The following PER2 variants were observed in gnomAD, a reference collection of about 807,000 sequenced individuals.
PER2 encodes period circadian protein homolog 2.
PER2 carries 66 observed loss-of-function variants against 121.0 expected under a neutral mutation model. The ratio of observed to expected loss-of-function variants is 0.55; its 90% CI spans 0.45 to 0.67. The LOEUF is 0.67. Among genes scored for constraint, PER2 ranks in the 30% least tolerant of loss-of-function variants. The pLI is 0.00. For synonymous variants in PER2, 684 were observed against 659.9 expected (o/e 1.04, Z -0.56); for missense variants, 1,521 against 1,635.0 (o/e 0.93, Z 1.20).
intron 20 of PER2, among the ~76,000 whole-genome samples, chr2:238,251,231 T>C (rs1695588363): frequency 6.6e-6 from 1 of 152,182 alleles, no homozygotes; most frequent in Non-Finnish European, 1.5e-5. Flanking sequence ...CCAGATCACA[T>C]GTGAAAGATC....
At chr2:238,273,811 G>A (rs893862717) in intron 4 of PER2, among the ~76,000 whole-genome samples, 6 of 152,314 alleles carry the variant, frequency 3.9e-5, no homozygotes, top group East Asian at 1.9e-4. Flanking sequence ...GGGACTACAG[G>A]CACGTGCCAC....
chr2:238,281,391 G>A (rs1379153903), intron 1 of PER2, among the ~76,000 whole-genome samples: 1 of 152,184 alleles, frequency 6.6e-6, no homozygotes, highest in East Asian at 1.9e-4. Context: ...GGGTTACATA[G>A]CTGGTTTTAT....
intron 13 of PER2, among the ~76,000 whole-genome samples, chr2:238,260,596 G>T (rs1695896916): frequency 6.6e-6 from 1 of 152,118 alleles, no homozygotes; most frequent in African/African-American, 2.4e-5. Context: ...CTTCACTTTT[G>T]CTTGTTTTGT....
chr2:238,248,675 A>C (rs1209362655), intron 22 of PER2, among the ~76,000 whole-genome samples: 1 of 117,916 alleles, frequency 8.5e-6, no homozygotes, highest in African/African-American at 3.1e-5. Flanking sequence ...TTTTTTTTTG[A>C]GACAGAGTCT....
chr2:238,293,200 C>A (rs987322106), upstream of PER2, among the ~76,000 whole-genome samples: 3 of 152,098 alleles, frequency 2.0e-5, no homozygotes, highest in Admixed American at 6.5e-5. Flanking sequence ...CTATACAATA[C>A]TCTGTATAGA....
At position 238,276,797 on chromosome 2, in the gene PER2, A is replaced by G. The variant is rs569368680; in HGVS notation, c.293+334T>C. 1.5e-4 allele frequency among the ~76,000 whole-genome samples: 23 copies of G among 152,334 alleles called. No homozygotes were observed. The East Asian group carries it at 4.2e-3, about 28-fold the overall frequency. ...AGCCGGGTTCTGCTCCCGAGGTGACATGAAAATTGACATAGGGTAAGTTTG... is the reference window on the plus strand; with the variant it reads ...AGCCGGGTTCTGCTCCCGAGGTGACGTGAAAATTGACATAGGGTAAGTTTG... On this transcript the variant is annotated intron_variant, in intron 3 of 22. Transcript: ENST00000254657.
At position 238,257,055 on chromosome 2, in the gene PER2, G is replaced by A. The variant is rs746861228; in HGVS notation, c.1932C>T (p.Arg644=). ...EAEPPSRVNS[R]TGVGTHLTSL... Reference sequence around the variant, plus strand: ...AGGTCAGGTGCGTACCTACTCCCGTGCGGCTGTTCACCCTGGAGGGCGGCT... The same window carrying A: ...AGGTCAGGTGCGTACCTACTCCCGTACGGCTGTTCACCCTGGAGGGCGGCT... The change falls in exon 17 of 23, where the codon CGC becomes CGT. Residue 644 remains arginine (R), a synonymous_variant. Coordinates refer to ENST00000254657, the MANE Select transcript of PER2 (RefSeq NM_022817.3). The A allele has an allele frequency of 1.2e-6, 2 of 1,613,158 alleles. No homozygotes were observed. Among genetic ancestry groups the A allele is most frequent in the Admixed American group, 3.3e-5 (2 of 60,014 alleles).
chr2:238,262,433 A>G (rs2106378143), intron 10 of PER2, 89 bp from the exon 11 acceptor site: 1 of 1,342,864 alleles, frequency 7.4e-7, no homozygotes, highest in Non-Finnish European at 1.1e-6. Context: ...ACTCAGGCCC[A>G]GGATCATTTG....
At chr2:238,274,818 A>G (rs1381780215) in intron 4 of PER2, among the ~76,000 whole-genome samples, 2 of 152,144 alleles carry the variant, frequency 1.3e-5, no homozygotes, top group Non-Finnish European at 2.9e-5. Flanking sequence ...CAACCCTCAC[A>G]AAATGGACAG....
intron 14 of PER2, 80 bp from the exon 15 acceptor site, chr2:238,258,724 T>C (rs2106373999): frequency 1.4e-6 from 2 of 1,418,478 alleles, no homozygotes; most frequent in East Asian, 2.3e-5. Flanking sequence ...ATTTTCGTTC[T>C]ACCTGAAGAC....
intron 13 of PER2, 116 bp downstream of exon 13, chr2:238,260,712 A>C (rs933718498): frequency 1.8e-6 from 2 of 1,123,328 alleles, no homozygotes; most frequent in Non-Finnish European, 2.7e-6. Context: ...AGGAAGCAGC[A>C]ACAGCTGCAA....
upstream of PER2, among the ~76,000 whole-genome samples, chr2:238,294,850 A>C (rs73088969): frequency 7.5e-3 from 1,144 of 152,136 alleles, 22 homozygotes; most frequent in African/African-American, 0.026. Context: ...CATTCTCCCC[A>C]CCCAAAAGCT....
intron 5 of PER2, 114 bp from the exon 6 acceptor site, chr2:238,271,627 G>A: frequency 1.3e-6 from 1 of 777,386 alleles, no homozygotes; most frequent in South Asian, 1.4e-5. Context: ...GAGGTGGGGG[G>A]CTCTCTGACT....
the PER2 span, among the ~76,000 whole-genome samples, chr2:238,295,151 A>G: frequency 6.6e-6 from 1 of 152,210 alleles, no homozygotes; most frequent in Non-Finnish European, 1.5e-5. Context: ...GGTGCCCAAC[A>G]TGGAAAAACA....
At chr2:238,277,087 A>T in intron 3 of PER2, 44 bp downstream of exon 3, 1 of 1,400,348 alleles carries the variant, frequency 7.1e-7, no homozygotes, top group Non-Finnish European at 1.0e-6. Context: ...GAAGTCTTTC[A>T]ATTTCTCTAA....
In PER2 at chr2:238,272,340, C is replaced by T. The variant is rs564925741; in HGVS notation, c.570+730G>A. On this transcript the variant is annotated intron_variant, in intron 5 of 22. Coordinates refer to ENST00000254657, the MANE Select transcript of PER2 (RefSeq NM_022817.3). ...TCACTTGGCCTGCCCTAACAACCTC[C>T]ACCAGCCTTGCTGTCTCCCAGGGTT... is the stretch of plus-strand genomic sequence containing the variant. Among the ~76,000 whole-genome samples, 6 of 152,344 alleles carry T rather than the reference C, an allele frequency of 3.9e-5. No individual in the cohort carries two copies. In the East Asian group the frequency reaches 1.2e-3, roughly 29 times the overall value.
intron 12 of PER2, chr2:238,261,313 C>G (rs1695924093): frequency 2.5e-6 from 1 of 394,998 alleles, no homozygotes; most frequent in African/African-American, 2.0e-5. Flanking sequence ...AGGCAGGCGC[C>G]TACTCAGGTG....
At chr2:238,246,574 G>C (rs1369907879) in intron 22 of PER2, 50 bp from the exon 23 acceptor site, 1 of 1,366,946 alleles carries the variant, frequency 7.3e-7, no homozygotes, top group Non-Finnish European at 1.0e-6. Flanking sequence ...GATCTGAGTT[G>C]TTACAAAAGT....
chr2:238,261,084 G>T, intron 12 of PER2, 131 bp from the exon 13 acceptor site: 1 of 1,140,106 alleles, frequency 8.8e-7, no homozygotes, highest in African/African-American at 1.5e-5. Context: ...GAGACCAGGG[G>T]AGCTGAGGTT....
Sources: allele counts gnomAD v4.1 joint callset (sites outside exome capture counted in the v4.1 genomes callset), GRCh38; gene constraint gnomAD v4.1.1; transcripts MANE v1.5; gene names NCBI Gene and HGNC (gene_info 2026-07-23, HGNC 2026-07-21).